The following DLC1 variants were observed in gnomAD, a reference collection of about 807,000 sequenced individuals.
DLC1 encodes rho GTPase-activating protein 7.
In DLC1, 54 loss-of-function variants were observed where a neutral mutation model predicts 140.3. The ratio of observed to expected loss-of-function variants is 0.38; its 90% CI spans 0.31 to 0.48. DLC1 has a LOEUF of 0.48. Among genes scored for constraint, DLC1 ranks in the 20% least tolerant of loss-of-function variants. The pLI, the probability that DLC1 is intolerant of heterozygous loss-of-function variation, is 0.96. For missense variants in DLC1, 2,536 were observed against 1,907.0 expected (o/e 1.33, Z -6.14); for synonymous variants, 986 against 728.1 (o/e 1.35, Z -5.70).
chr8:13,440,077 G>C (rs1798432041), intron 2 of DLC1, among the ~76,000 whole-genome samples: 1 of 152,264 alleles, frequency 6.6e-6, no homozygotes, highest in Middle Eastern at 3.4e-3. Context: ...AAATACATTT[G>C]GGAAATACTA....
chr8:13,396,122 C>A (rs918638112), intron 3 of DLC1, among the ~76,000 whole-genome samples: 1 of 141,304 alleles, frequency 7.1e-6, no homozygotes, highest in Admixed American at 7.7e-5. Flanking sequence ...TGCAGTGGTG[C>A]GATCTCTGCT....
chr8:13,173,391 G>A (rs1190403728), intron 5 of DLC1, among the ~76,000 whole-genome samples: 1 of 19,626 alleles, frequency 5.1e-5, no homozygotes, highest in Admixed American at 5.9e-4. Flanking sequence ...TTTTTTTTTT[G>A]AGACGGAGTC....
At chr8:13,395,312 G>A (rs1219390459) in intron 3 of DLC1, among the ~76,000 whole-genome samples, 2 of 151,840 alleles carry the variant, frequency 1.3e-5, no homozygotes, top group African/African-American at 2.4e-5. Flanking sequence ...TAGTAGAGAC[G>A]GGGTTTCACT....
At chr8:13,429,568 A>G (rs1215521027) in intron 2 of DLC1, among the ~76,000 whole-genome samples, 1 of 152,236 alleles carries the variant, frequency 6.6e-6, no homozygotes, top group African/African-American at 2.4e-5. Flanking sequence ...CAAGTTTGGC[A>G]TTGAGCTTCC....
intron 1 of DLC1, among the ~76,000 whole-genome samples, chr8:13,523,887 C>G (rs532383229): frequency 1.3e-4 from 19 of 150,536 alleles, no homozygotes; most frequent in African/African-American, 3.9e-4. Context: ...GGTATGTTCC[C>G]AAGGGGGAGG....
At chr8:13,406,181 G>GTTTTTTTTTATGTTTTT (rs1837551001) in intron 2 of DLC1, among the ~76,000 whole-genome samples, 1 of 84,960 alleles carries the variant, frequency 1.2e-5, no homozygotes, top group African/African-American at 4.8e-5. Flanking sequence ...TAATTTTTGT[G>GTTTTTTTTTATGTTTTT]TTTTTTTTTT....
intron 2 of DLC1, among the ~76,000 whole-genome samples, chr8:13,403,700 G>A (rs554130299): frequency 1.3e-5 from 2 of 151,796 alleles, no homozygotes; most frequent in African/African-American, 4.8e-5. Flanking sequence ...CAGTGCAGTG[G>A]CACGATGTTG....
chr8:13,257,396 C>T (rs1433787458), intron 5 of DLC1, among the ~76,000 whole-genome samples: 1 of 148,920 alleles, frequency 6.7e-6, no homozygotes, highest in Non-Finnish European at 1.5e-5. Context: ...ATGATCATAC[C>T]ACTGCACAGT....
chr8:13,229,724 A>T (rs1007256245), intron 5 of DLC1, among the ~76,000 whole-genome samples: 4 of 152,194 alleles, frequency 2.6e-5, no homozygotes, highest in African/African-American at 9.6e-5. Flanking sequence ...CATTTCTGCC[A>T]TGAAAGTGGG....
chr8:13,280,038 G>C (rs1024880795), intron 5 of DLC1, among the ~76,000 whole-genome samples: 6 of 151,876 alleles, frequency 4.0e-5, no homozygotes, highest in African/African-American at 1.5e-4. Context: ...CCAGCACTTT[G>C]GGAGGCCGAG....
intron 5 of DLC1, among the ~76,000 whole-genome samples, chr8:13,134,157 A>G (rs140822581): frequency 9.6e-4 from 147 of 152,342 alleles, no homozygotes; most frequent in African/African-American, 3.1e-3. Flanking sequence ...CTGATGTATT[A>G]GGAAGCCTAA....
At chr8:13,385,260 C>G (rs1836466152) in intron 4 of DLC1, among the ~76,000 whole-genome samples, 2 of 152,004 alleles carry the variant, frequency 1.3e-5, no homozygotes, top group African/African-American at 2.4e-5. Context: ...AAGAAAACAA[C>G]AACAGTAACA....
At position 13,413,256 on chromosome 8, in the gene DLC1, A is replaced by ATTTTTTTTTTTTTTTTTT. The variant is rs58038503; in HGVS notation, c.1024-11655_1024-11638dup. Among the ~76,000 whole-genome samples the ATTTTTTTTTTTTTTTTTT allele has an allele frequency of 5.7e-3, 470 of 81,942 alleles. 85 individuals are homozygous for ATTTTTTTTTTTTTTTTTT. Among genetic ancestry groups the ATTTTTTTTTTTTTTTTTT allele is most frequent in the African/African-American group, 0.012 (236 of 19,824 alleles). 53.8% of individuals were successfully genotyped at this position (81,942 alleles called of 152,430 possible). On this transcript the variant is annotated intron_variant, in intron 2 of 17. Transcript: ENST00000276297. ...TAAAACATTATGAGATTTTTTTGCG[A>ATTTTTTTTTTTTTTTTTT]TTTTTTTTTTTTTTTTTTTTTAGCT... is the stretch of plus-strand genomic sequence containing the variant.
At position 13,244,383 on chromosome 8, in the gene DLC1, G is replaced by A. The variant is rs145868291; in HGVS notation, c.1348+60886C>T. Among the ~76,000 whole-genome samples the A allele has an allele frequency of 2.7e-5, 4 of 150,042 alleles. No homozygotes were observed. The East Asian group carries it at 7.9e-4, about 30-fold the overall frequency. On this transcript the variant is annotated intron_variant, in intron 5 of 17. Coordinates refer to ENST00000276297, the MANE Select transcript of DLC1 (RefSeq NM_182643.3). ...TGCGATCATAGTTCACTGCAGCCTC[G>A]AACTCTGGGACTCAAGTGATCCTCT...
intron 2 of DLC1, among the ~76,000 whole-genome samples, chr8:13,434,914 A>G (rs913861688): frequency 1.4e-4 from 22 of 152,108 alleles, no homozygotes; most frequent in Admixed American, 9.8e-4. Flanking sequence ...TCCTGAGCTC[A>G]AGCGATCCAC....
At position 13,143,621 on chromosome 8, in the gene DLC1, A is replaced by AT. The variant is rs35614849; in HGVS notation, c.1349-27965dup. Among the ~76,000 whole-genome samples, 1,138 of 145,122 alleles carry AT rather than the reference A, an allele frequency of 7.8e-3. 7 individuals carry two copies. The highest frequency in any genetic ancestry group is 0.011 in the Non-Finnish European group (748 of 66,224). On this transcript the variant is annotated intron_variant, in intron 5 of 17. Transcript: ENST00000276297. ...CAGGTGTGCACCATCACCCTGGTTG[A>AT]TTTTTTTTTTTTTTTCCTGCTAAAT...
intron 2 of DLC1, among the ~76,000 whole-genome samples, chr8:13,407,829 C>G (rs1837632423): frequency 6.6e-6 from 1 of 152,202 alleles, no homozygotes; most frequent in Admixed American, 6.5e-5. Flanking sequence ...TAGCAAAAGA[C>G]TTGGCTCAGT....
chr8:13,297,254 A>G (rs943277773), intron 5 of DLC1, among the ~76,000 whole-genome samples: 25 of 129,998 alleles, frequency 1.9e-4, no homozygotes, highest in African/African-American at 7.2e-4. Flanking sequence ...CCTCATAAAG[A>G]AGCAGGCAAG....
chr8:13,229,310 T>C (rs1485316350), intron 5 of DLC1, among the ~76,000 whole-genome samples: 1 of 152,136 alleles, frequency 6.6e-6, no homozygotes, highest in Non-Finnish European at 1.5e-5. Context: ...GTAAACACTA[T>C]GCTAAGTGAA....
Sources: gnomAD v4.1 joint callset for allele counts (sites outside exome capture counted in the v4.1 genomes callset) on GRCh38, gnomAD v4.1.1 for gene constraint, MANE v1.5 for transcripts, NCBI Gene and HGNC (gene_info 2026-07-23, HGNC 2026-07-21) for gene names.